Variants in DTNB observed in about 807,000 individuals in gnomAD.
DTNB encodes the protein DTN-B.
Under a neutral mutation model 90.7 loss-of-function variants are expected in DTNB, and 63 were observed. The observed-to-expected ratio is 0.69, with a 90% confidence interval of 0.57 to 0.86. The LOEUF (loss-of-function observed/expected upper bound fraction) is 0.86. Among genes scored for constraint, DTNB ranks in the 40% least tolerant of loss-of-function variants. The probability of loss-of-function intolerance (pLI) is 0.00; values close to 1 mark genes in which losing one functional copy is unlikely to be tolerated. For missense variants in DTNB, 744 were observed against 807.1 expected (o/e 0.92, Z 0.95); for synonymous variants, 277 against 286.7 (o/e 0.97, Z 0.34).
At chr2:25,494,218 G>T (rs1382185699) in intron 9 of DTNB, among the ~76,000 whole-genome samples, 2 of 152,132 alleles carry the variant, frequency 1.3e-5, no homozygotes, top group South Asian at 4.1e-4. Flanking sequence ...AGAAATAAAA[G>T]TCAAGGAAGA....
At position 25,607,256 on chromosome 2, in the gene DTNB, T is replaced by C; in HGVS notation, c.428A>G (p.Lys143Arg). ...KAMLATMCGG[K>R]MLDKLRYVFS... is the part of the protein sequence containing the mutation. ...CTTACATCTCAATTTGTCCAGCATTTTTCCACCACACATGGTTGCTAACAT... is the reference window on the plus strand; with the variant it reads ...CTTACATCTCAATTTGTCCAGCATTCTTCCACCACACATGGTTGCTAACAT... Residue 143 changes from lysine (K) to arginine (R), a missense_variant, in exon 5 of 21, where the codon AAA (lysine) becomes AGA (arginine). Physicochemically the swap from Lys to Arg is conservative, Grantham distance 26. Coordinates refer to ENST00000406818, the MANE Select transcript of DTNB (RefSeq NM_021907.5). 2 of 1,606,006 alleles carry C rather than the reference T, an allele frequency of 1.2e-6. No individual in the cohort carries two copies. The highest frequency in any genetic ancestry group is 1.3e-5 in the African/African-American group (1 of 74,924).
At chr2:25,396,527 A>G (rs2042406533) in intron 16 of DTNB, among the ~76,000 whole-genome samples, 1 of 151,416 alleles carries the variant, frequency 6.6e-6, no homozygotes, top group South Asian at 2.1e-4. Context: ...AAAAAAAAAA[A>G]GAATGATACA....
At chr2:25,411,271 G>A (rs1043435539) in intron 16 of DTNB, among the ~76,000 whole-genome samples, 10 of 151,668 alleles carry the variant, frequency 6.6e-5, no homozygotes, top group African/African-American at 2.2e-4. Context: ...AGGCAGGAGA[G>A]TCACTTGAAC....
chr2:25,511,951 A>G (rs1575245991), intron 9 of DTNB, among the ~76,000 whole-genome samples: 1 of 152,308 alleles, frequency 6.6e-6, no homozygotes, highest in African/African-American at 2.4e-5. Flanking sequence ...TTCCAAAACA[A>G]TTCTATTTAA....
chr2:25,622,957 T>A (rs1192211430), intron 4 of DTNB, among the ~76,000 whole-genome samples: 3 of 152,022 alleles, frequency 2.0e-5, no homozygotes, highest in African/African-American at 7.2e-5. Context: ...GTAGGATGGC[T>A]CCAGAGGAAG....
chr2:25,554,930 G>A (rs774545649), intron 8 of DTNB, among the ~76,000 whole-genome samples: 2 of 152,144 alleles, frequency 1.3e-5, no homozygotes, highest in Non-Finnish European at 2.9e-5. Flanking sequence ...TTATCTCTGA[G>A]GAAGGAGGAA....
intron 6 of DTNB, among the ~76,000 whole-genome samples, chr2:25,586,681 G>A (rs996550920): frequency 6.6e-6 from 1 of 151,954 alleles, no homozygotes; most frequent in Non-Finnish European, 1.5e-5. Context: ...GTAGAGAAGA[G>A]GACACAATCC....
At chr2:25,631,783 C>T (rs1053535405) in intron 3 of DTNB, among the ~76,000 whole-genome samples, 3 of 152,002 alleles carry the variant, frequency 2.0e-5, no homozygotes, top group African/African-American at 4.8e-5. Flanking sequence ...AGTACAGATA[C>T]AGACAATTAA....
intron 8 of DTNB, among the ~76,000 whole-genome samples, chr2:25,556,759 ATACAGAGGT>A (rs1456348676): frequency 1.3e-5 from 2 of 152,220 alleles, no homozygotes; most frequent in Non-Finnish European, 2.9e-5. Context: ...ATTAAAGGAT[ATACAGAGGT>A]TGGTAAGGGA....
chr2:25,643,294 C>T (rs2078747161), intron 2 of DTNB, among the ~76,000 whole-genome samples: 2 of 152,168 alleles, frequency 1.3e-5, no homozygotes, highest in African/African-American at 4.8e-5. Context: ...CATGGCTTCT[C>T]CCAGATCCCT....
chr2:25,586,724 G>A (rs578180128), intron 6 of DTNB, among the ~76,000 whole-genome samples: 21 of 152,080 alleles, frequency 1.4e-4, no homozygotes, highest in African/African-American at 5.1e-4. Context: ...CAAAGAAGAA[G>A]GCATATTTTT....
intron 16 of DTNB, among the ~76,000 whole-genome samples, chr2:25,396,513 G>A (rs868141184): frequency 1.0e-4 from 15 of 148,662 alleles, no homozygotes; most frequent in African/African-American, 3.5e-4. Flanking sequence ...ACTGTCTCAG[G>A]AGGAAAAAAA....
chr2:25,664,476 G>A (rs1348023506), intron 1 of DTNB, among the ~76,000 whole-genome samples: 1 of 152,192 alleles, frequency 6.6e-6, no homozygotes, highest in Non-Finnish European at 1.5e-5. Flanking sequence ...AATATAAGCA[G>A]GTAAATAAGG....
At chr2:25,515,069 GT>G (rs1447924990) in intron 9 of DTNB, among the ~76,000 whole-genome samples, 1 of 152,098 alleles carries the variant, frequency 6.6e-6, no homozygotes, top group Non-Finnish European at 1.5e-5. Context: ...TATATCCACA[GT>G]TGTGGCTACT....
chr2:25,454,774 C>T (rs375227351), intron 11 of DTNB, among the ~76,000 whole-genome samples: 5 of 152,148 alleles, frequency 3.3e-5, no homozygotes, highest in East Asian at 1.9e-4. Context: ...GAGTCACTAC[C>T]GCAGTAGTTT....
intron 9 of DTNB, among the ~76,000 whole-genome samples, chr2:25,510,513 C>CT (rs913768253): frequency 9.6e-4 from 138 of 143,876 alleles, no homozygotes; most frequent in Admixed American, 9.0e-4. Flanking sequence ...CTTTCTTCTT[C>CT]TTTTTTTTTT....
intron 8 of DTNB, among the ~76,000 whole-genome samples, chr2:25,569,853 T>G (rs990759200): frequency 6.6e-6 from 1 of 151,816 alleles, no homozygotes; most frequent in Non-Finnish European, 1.5e-5. Flanking sequence ...TCCCAGCACT[T>G]TGGAAGGCCG....
chr2:25,596,212 A>T lies in DTNB; in HGVS notation c.477T>A (p.Asn159Lys), dbSNP rs576140778. The change falls in exon 6 of 21, where the codon AAT becomes AAA. Residue 159 changes from asparagine (N) to lysine (K), a missense_variant. Asn to Lys is a moderately conservative substitution (Grantham distance 94). Transcript: ENST00000406818. ...CAAACTTGCTAAATATCATTAAGCCATTGGAATCTGACATCTGGGAGAAAA... is the reference window on the plus strand; with the variant it reads ...CAAACTTGCTAAATATCATTAAGCCTTTGGAATCTGACATCTGGGAGAAAA... ...RYVFSQMSDS[N>K]GLMIFSKFDQ... 1 of 1,611,050 alleles carries T rather than the reference A, an allele frequency of 6.2e-7. No homozygotes were observed. The highest frequency in any genetic ancestry group is 1.3e-5 in the African/African-American group (1 of 74,822).
At chr2:25,668,673 G>A (rs2085089234) in intron 1 of DTNB, among the ~76,000 whole-genome samples, 1 of 151,834 alleles carries the variant, frequency 6.6e-6, no homozygotes, top group Non-Finnish European at 1.5e-5. Flanking sequence ...TGGGTATATG[G>A]AAACTCCATA....
Sources: allele counts gnomAD v4.1 joint callset (sites outside exome capture counted in the v4.1 genomes callset), GRCh38; gene constraint gnomAD v4.1.1; transcripts MANE v1.5; gene names NCBI Gene and HGNC (gene_info 2026-07-23, HGNC 2026-07-21).